Variants in NCKAP5 observed in about 807,000 individuals in gnomAD.
NCKAP5 encodes NCK associated protein 5.
A neutral mutation model predicts 167.0 loss-of-function variants in NCKAP5; 92 were observed. That is an observed-to-expected ratio of 0.55 (90% confidence interval 0.47 to 0.66). NCKAP5 has a LOEUF of 0.66. NCKAP5 is among the 30% of genes least tolerant of loss of function. The pLI is 0.00. For synonymous variants in NCKAP5, 891 were observed against 877.4 expected, an observed-to-expected ratio of 1.02 and a Z score of -0.27; for missense variants, 2,378 against 2,315.0, an observed-to-expected ratio of 1.03 and a Z score of -0.56.
the NCKAP5 span, among the ~76,000 whole-genome samples, chr2:133,670,997 C>T: frequency 2.0e-5 from 3 of 152,034 alleles, no homozygotes; most frequent in Non-Finnish European, 2.9e-5. Context: ...GGGTGGATCA[C>T]GAGGTCAGGA....
intron 6 of NCKAP5, among the ~76,000 whole-genome samples, chr2:133,023,859 G>A (rs2078611401): frequency 6.6e-6 from 1 of 152,110 alleles, no homozygotes; most frequent in Non-Finnish European, 1.5e-5. Context: ...TTGATGGGTA[G>A]CTACGTTGAT....
intron 16 of NCKAP5, among the ~76,000 whole-genome samples, chr2:132,747,506 C>T (rs746444937): frequency 4.4e-5 from 5 of 114,540 alleles, no homozygotes; most frequent in Non-Finnish European, 7.5e-5. Context: ...GAAGAAGTGC[C>T]GGCCTGACTC....
intron 4 of NCKAP5, among the ~76,000 whole-genome samples, chr2:133,258,265 C>T (rs1365550317): frequency 6.6e-6 from 1 of 152,186 alleles, no homozygotes; most frequent in Non-Finnish European, 1.5e-5. Context: ...ATCTGAACTA[C>T]TTGTGACTAG....
At chr2:133,319,579 G>A (rs62180011) in intron 3 of NCKAP5, among the ~76,000 whole-genome samples, 40,633 of 151,950 alleles carry the variant, frequency 0.27, 6,297 homozygotes, top group African/African-American at 0.44. Context: ...GTATTGGGAC[G>A]GTCACCTAAG....
At chr2:133,205,291 T>TTAGATAGATAGTTAGA (rs1553576673) in intron 5 of NCKAP5, among the ~76,000 whole-genome samples, 4 of 149,650 alleles carry the variant, frequency 2.7e-5, no homozygotes, top group Non-Finnish European at 4.4e-5. Flanking sequence ...GACTCTGAAA[T>TTAGATAGATAGTTAGA]TAGATAGATA....
intron 3 of NCKAP5, among the ~76,000 whole-genome samples, chr2:133,375,283 T>G (rs2150926547): frequency 6.6e-6 from 1 of 152,322 alleles, no homozygotes; most frequent in African/African-American, 2.4e-5. Flanking sequence ...TTTGGTATTC[T>G]TCTAGGGTGT....
chr2:133,435,374 C>A (rs893177957), intron 3 of NCKAP5, among the ~76,000 whole-genome samples: 15 of 152,158 alleles, frequency 9.9e-5, no homozygotes, highest in African/African-American at 3.6e-4. Context: ...CACTGAAATG[C>A]AGTTCTTGTT....
chr2:133,229,473 A>C (rs1475701486), intron 4 of NCKAP5, among the ~76,000 whole-genome samples: 9 of 152,210 alleles, frequency 5.9e-5, no homozygotes, highest in Non-Finnish European at 1.2e-4. Context: ...GTCTTTGAAC[A>C]TATTTTGTTT....
At chr2:132,895,034 A>T (rs1693031759) in intron 8 of NCKAP5, among the ~76,000 whole-genome samples, 1 of 152,128 alleles carries the variant, frequency 6.6e-6, no homozygotes, top group Non-Finnish European at 1.5e-5. Context: ...TACTTTGCCT[A>T]AAAAATCGAA....
chr2:132,878,708 G>C, intron 9 of NCKAP5, 140 bp downstream of exon 9: 1 of 684,552 alleles, frequency 1.5e-6, no homozygotes, highest in Non-Finnish European at 2.6e-6. Context: ...CTTTTCAATG[G>C]CTACATGTTT....
intron 3 of NCKAP5, among the ~76,000 whole-genome samples, chr2:133,406,027 C>T (rs1286346690): frequency 6.6e-6 from 1 of 152,210 alleles, no homozygotes; most frequent in African/African-American, 2.4e-5. Context: ...AGATCCATTG[C>T]TTGTAAAAAG....
chr2:133,546,025 C>T (rs1266164415), intron 2 of NCKAP5, among the ~76,000 whole-genome samples: 1 of 152,144 alleles, frequency 6.6e-6, no homozygotes, highest in Non-Finnish European at 1.5e-5. Flanking sequence ...TTTTGTCTAA[C>T]TGAAAGGGCA....
rs575037464 is a variant in NCKAP5, at chr2:133,179,435, T to TA, written c.207+34280dup. Among the ~76,000 whole-genome samples, 929 of 149,720 alleles carry TA rather than the reference T, an allele frequency of 6.2e-3. 5 individuals carry two copies. The highest frequency in any genetic ancestry group is 0.021 in the African/African-American group (861 of 41,006). ...ATACTCCAAAAGTCCAGGTTTCAAT[T>TA]AAAAAAAAATCACTCATAAAACAAA... On this transcript the variant is annotated intron_variant, in intron 5 of 19. Coordinates refer to ENST00000409261, the MANE Select transcript of NCKAP5 (RefSeq NM_207363.3).
chr2:132,764,121 C>T (rs1223628978), intron 16 of NCKAP5, among the ~76,000 whole-genome samples: 5 of 152,086 alleles, frequency 3.3e-5, no homozygotes, highest in Non-Finnish European at 5.9e-5. Context: ...AATACAGAAA[C>T]ATCCACCAAA....
At chr2:133,378,100 A>C (rs1686278811) in intron 3 of NCKAP5, among the ~76,000 whole-genome samples, 1 of 152,238 alleles carries the variant, frequency 6.6e-6, no homozygotes, top group East Asian at 1.9e-4. Flanking sequence ...TGTATATATT[A>C]GAAGAATATA....
At chr2:133,584,498 C>T in the NCKAP5 span, among the ~76,000 whole-genome samples, 8 of 152,180 alleles carry the variant, frequency 5.3e-5, no homozygotes, top group South Asian at 1.7e-3. Flanking sequence ...GGTGCAGTGG[C>T]TCATGCCTGT....
At chr2:132,987,428 G>T (rs1247901944) in intron 7 of NCKAP5, among the ~76,000 whole-genome samples, 1 of 152,048 alleles carries the variant, frequency 6.6e-6, no homozygotes, top group African/African-American at 2.4e-5. Context: ...GATAAACTTA[G>T]GGATAACTGG....
At chr2:133,383,937 T>C (rs554367333) in intron 3 of NCKAP5, among the ~76,000 whole-genome samples, 10 of 152,158 alleles carry the variant, frequency 6.6e-5, no homozygotes, top group African/African-American at 2.2e-4. Context: ...ATTTGAGTTC[T>C]TTGTAGATTC....
At chr2:133,476,611 C>T (rs1259540591) in intron 3 of NCKAP5, among the ~76,000 whole-genome samples, 1 of 152,128 alleles carries the variant, frequency 6.6e-6, no homozygotes, top group Non-Finnish European at 1.5e-5. Context: ...TTAATTTACT[C>T]TTCATACATT....
Sources: allele counts gnomAD v4.1 joint callset (sites outside exome capture counted in the v4.1 genomes callset), GRCh38; gene constraint gnomAD v4.1.1; transcripts MANE v1.5; gene names NCBI Gene and HGNC (gene_info 2026-07-23, HGNC 2026-07-21).